The following COL28A1 variants were observed in gnomAD, a reference collection of about 807,000 sequenced individuals.
COL28A1 encodes collagen alpha-1(XXVIII) chain.
Under a neutral mutation model 150.2 loss-of-function variants are expected in COL28A1, and 161 were observed. That is an observed-to-expected ratio of 1.07 (90% confidence interval 0.94 to 1.22). The LOEUF is 1.22. Among genes scored for constraint, COL28A1 ranks in the 50% most tolerant of loss-of-function variants. The pLI is 0.00. For synonymous variants in COL28A1, 552 were observed against 469.7 expected (o/e 1.18, Z -2.26); for missense variants, 1,617 against 1,388.3 (o/e 1.16, Z -2.62).
intron 27 of COL28A1, 151 bp from the exon 28 acceptor site, chr7:7,381,763 A>ATGTGTATG (rs1288721000): frequency 1.1e-5 from 6 of 539,392 alleles, no homozygotes; most frequent in Middle Eastern, 4.6e-4. Flanking sequence ...ATAAATACAT[A>ATGTGTATG]TGTGTATGTG....
At chr7:7,503,128 C>T (rs1780626947) in intron 11 of COL28A1, among the ~76,000 whole-genome samples, 2 of 152,148 alleles carry the variant, frequency 1.3e-5, no homozygotes, top group Non-Finnish European at 2.9e-5. Flanking sequence ...GCATTTATTT[C>T]AGGCCAAATA....
chr7:7,525,828 C>A (rs1489659033), intron 3 of COL28A1, among the ~76,000 whole-genome samples: 1 of 152,196 alleles, frequency 6.6e-6, no homozygotes, highest in Non-Finnish European at 1.5e-5. Flanking sequence ...ACAAGTCATA[C>A]AATCCTTCCA....
At chr7:7,431,146 C>T (rs1392160665) in intron 25 of COL28A1, 1 of 153,212 alleles carries the variant, frequency 6.5e-6, no homozygotes, top group African/African-American at 2.4e-5. Context: ...GCACGTACAA[C>T]ATCTTTTCTC....
the COL28A1 span, among the ~76,000 whole-genome samples, chr7:7,543,127 T>G: frequency 2.0e-5 from 3 of 152,224 alleles, no homozygotes; most frequent in African/African-American, 7.2e-5. Context: ...AAATTCTATA[T>G]AGCAAACTGA....
intron 15 of COL28A1, among the ~76,000 whole-genome samples, chr7:7,470,773 A>C (rs1788340611): frequency 8.0e-6 from 1 of 124,254 alleles, no homozygotes; most frequent in Non-Finnish European, 1.6e-5. Flanking sequence ...ATGGAATACT[A>C]TGCAGCCATA....
Position 7,373,114 on chromosome 7 carries a change from A to G in COL28A1, c.2792T>C (p.Val931Ala), listed in dbSNP as rs946276612. The stretch of plus-strand genomic sequence containing the variant: ...ATCATTTTTCTTCACCACCCCTATC[A>G]CAAATATCTCCACATTGGTGTCACT... ...NASDTNVEIF[V>A]IGVVKKNDPN... is the part of the protein sequence containing the mutation. Residue 931 changes from valine to alanine, a missense_variant, in exon 32 of 35, where the codon GTG becomes GCG. Coordinates refer to ENST00000399429, the MANE Select transcript of COL28A1 (RefSeq NM_001037763.3). This position sits in a 1 kb window ranked among gnomAD's most constrained non-coding sequence, Gnocchi z 4.1. 4 of 1,614,052 alleles carry G rather than the reference A, an allele frequency of 2.5e-6. No homozygotes were observed. Among genetic ancestry groups the G allele is most frequent in the African/African-American group, 2.7e-5 (2 of 74,910 alleles).
At chr7:7,542,568 C>G in the COL28A1 span, among the ~76,000 whole-genome samples, 2 of 152,138 alleles carry the variant, frequency 1.3e-5, no homozygotes, top group South Asian at 2.1e-4. Flanking sequence ...GAGACTTACA[C>G]AGAGGGCACC....
intron 11 of COL28A1, among the ~76,000 whole-genome samples, chr7:7,495,138 ATAAT>A (rs1328574618): frequency 3.3e-5 from 5 of 152,332 alleles, no homozygotes; most frequent in Admixed American, 6.5e-5. Flanking sequence ...CAGGTAAATT[ATAAT>A]TAATAAATTT....
In COL28A1 at chr7:7,365,919, G is replaced by T. The variant is rs115193843; in HGVS notation, c.3066+4806C>A. On this transcript the variant is annotated intron_variant, in intron 33 of 34. Transcript: ENST00000399429. ...CTGCACTCAAATACTTAAACTGAAG[G>T]TTACTTATTTGCATTTTAAAGTTAC... Among the ~76,000 whole-genome samples, 846 of 152,128 alleles carry T rather than the reference G, an allele frequency of 5.6e-3. 8 individuals carry two copies. Among genetic ancestry groups the T allele is most frequent in the African/African-American group, 0.02 (816 of 41,480 alleles).
intron 27 of COL28A1, among the ~76,000 whole-genome samples, chr7:7,407,315 T>C (rs1455174865): frequency 2.6e-5 from 4 of 151,966 alleles, no homozygotes; most frequent in Non-Finnish European, 4.4e-5. Flanking sequence ...CCAGAAATCA[T>C]AAAATATACT....
rs188197842 is a variant in COL28A1 at position 7,487,315 on chromosome 7, C to T, written c.1164+2074G>A. On this transcript the variant is annotated intron_variant, in intron 13 of 34. Coordinates refer to ENST00000399429, the MANE Select transcript of COL28A1 (RefSeq NM_001037763.3). ...TTTTTACGCGGGGCACAGTGGCTCA[C>T]GCTTGTAATCCCATTACTTTGGGAG... Among the ~76,000 whole-genome samples the T allele has an allele frequency of 3.1e-3, 471 of 152,248 alleles. 5 individuals are homozygous for T. Among genetic ancestry groups the T allele is most frequent in the Non-Finnish European group, 4.5e-3 (309 of 68,016 alleles).
chr7:7,423,742 G>A (rs561848893), intron 25 of COL28A1, among the ~76,000 whole-genome samples: 11 of 152,062 alleles, frequency 7.2e-5, no homozygotes, highest in African/African-American at 2.2e-4. Flanking sequence ...GAAAGCAAGC[G>A]GGAAAAGCAG....
chr7:7,511,580 G>A, intron 8 of COL28A1: 1 of 319,572 alleles, frequency 3.1e-6, no homozygotes, highest in East Asian at 9.7e-5. Context: ...AAGAATCAGA[G>A]TCTGAACCCA....
intron 15 of COL28A1, among the ~76,000 whole-genome samples, chr7:7,464,048 A>C (rs972194973): frequency 1.3e-5 from 2 of 152,214 alleles, no homozygotes; most frequent in African/African-American, 4.8e-5. Flanking sequence ...AAGCAACAAC[A>C]GTTTAAAAAG....
chr7:7,351,443 C>G (rs1403149015), downstream of COL28A1, among the ~76,000 whole-genome samples: 1 of 152,144 alleles, frequency 6.6e-6, no homozygotes, highest in Non-Finnish European at 1.5e-5. Context: ...GAGATAATAA[C>G]CTTCCTGAAA....
At position 7,373,180 on chromosome 7, in the gene COL28A1, G is replaced by C. The variant is rs187236852; in HGVS notation, c.2726C>G (p.Ser909Cys). Residue 909 changes from serine (S) to cysteine (C), a missense_variant, in exon 32 of 35, where the codon TCT becomes TGT. Physicochemically the swap from Ser to Cys is moderately radical, Grantham distance 112. Coordinates refer to ENST00000399429, the MANE Select transcript of COL28A1 (RefSeq NM_001037763.3). The surrounding 1 kb of genome is among the most constrained non-coding windows in gnomAD (Gnocchi z 4.1). ...ALVITDGQTD[S>C]RDKEKLTEVV... The stretch of plus-strand genomic sequence containing the variant: ...CTCTGTCAGTTTCTCTTTATCACGA[G>C]AATCTGTCTGTCCATCAGTGATGAC... The C allele has an allele frequency of 3.1e-6, 5 of 1,614,168 alleles. No homozygotes were observed. Among genetic ancestry groups the C allele is most frequent in the Non-Finnish European group, 4.2e-6 (5 of 1,180,032 alleles).
intron 25 of COL28A1, among the ~76,000 whole-genome samples, chr7:7,421,327 G>A (rs748370406): frequency 2.6e-5 from 4 of 152,168 alleles, no homozygotes; most frequent in African/African-American, 7.2e-5. Flanking sequence ...ATAAATGGTC[G>A]TGAGGGATTT....
In COL28A1 at chr7:7,417,980, AAAC is replaced by A. The variant is rs1175498904; in HGVS notation, c.2068-56_2068-54del. 1.1e-4 allele frequency: 164 copies of A among 1,457,110 alleles called. 2 individuals carry two copies. In the East Asian group the frequency reaches 3.7e-3, roughly 33 times the overall value. The allele number at this position is 1,457,110 out of a possible 1,614,324, so 90.3% of individuals were successfully genotyped here. A position where few individuals can be genotyped will look rare whatever the true frequency, so the allele number is the denominator to read the frequency against. On this transcript the variant is annotated intron_variant, in intron 26 of 34. Coordinates refer to ENST00000399429, the MANE Select transcript of COL28A1 (RefSeq NM_001037763.3). ...ACAAAATGTAAGAAGATCGAAGAAG[AAAC>A]AACGTTAAGTATTACTACTCTCAGC...
chr7:7,450,502 T>G (rs1346402590), intron 18 of COL28A1, among the ~76,000 whole-genome samples: 1 of 152,178 alleles, frequency 6.6e-6, no homozygotes. Context: ...TATAACACAG[T>G]AAGATATATT....
Sources: gnomAD v4.1 joint callset for allele counts (sites outside exome capture counted in the v4.1 genomes callset) on GRCh38, gnomAD v4.1.1 for gene constraint, Gnocchi (gnomAD v3.1) non-coding constraint, MANE v1.5 for transcripts, NCBI Gene and HGNC (gene_info 2026-07-23, HGNC 2026-07-21) for gene names.